ADAM12: variants seen among roughly 807,000 people sequenced by gnomAD.
The protein encoded by ADAM12 is disintegrin and metalloproteinase domain-containing protein 12.
Under a neutral mutation model 106.4 loss-of-function variants are expected in ADAM12, and 70 were observed. That is an observed-to-expected ratio of 0.66 (90% CI 0.54 to 0.80). The LOEUF is 0.80. ADAM12 is among the 30% of genes least tolerant of loss of function. The pLI is 0.00. For synonymous variants in ADAM12, 420 were observed against 433.5 expected, an observed-to-expected ratio of 0.97 and a Z score of 0.39; for missense variants, 1,010 against 1,171.9, an observed-to-expected ratio of 0.86 and a Z score of 2.02.
intron 1 of ADAM12, among the ~76,000 whole-genome samples, chr10:126,358,818 C>CA (rs1366105654): frequency 6.6e-6 from 1 of 151,866 alleles, no homozygotes; most frequent in African/African-American, 2.4e-5. Context: ...ACAAAATAAA[C>CA]AAAAAAATCA....
chr10:126,378,998 A>C (rs1856396635), intron 1 of ADAM12, among the ~76,000 whole-genome samples: 1 of 152,192 alleles, frequency 6.6e-6, no homozygotes, highest in Admixed American at 6.5e-5. Flanking sequence ...GTAGACCCTA[A>C]ATCCTAATGC....
intron 11 of ADAM12, among the ~76,000 whole-genome samples, chr10:126,071,961 A>C (rs1328767038): frequency 6.6e-6 from 1 of 152,208 alleles, no homozygotes; most frequent in Non-Finnish European, 1.5e-5. Context: ...AGACATTATT[A>C]ATAGTTCTGG....
intron 3 of ADAM12, among the ~76,000 whole-genome samples, chr10:126,227,635 T>G (rs527592872): frequency 6.6e-6 from 1 of 152,196 alleles, no homozygotes; most frequent in Non-Finnish European, 1.5e-5. Context: ...CATGCTCACG[T>G]TTGAGAAGCC....
chr10:126,234,098 C>T (rs992015465), intron 3 of ADAM12, among the ~76,000 whole-genome samples: 5 of 152,118 alleles, frequency 3.3e-5, no homozygotes, highest in African/African-American at 9.7e-5. Context: ...TACAGAAATT[C>T]CCAAGCTCAT....
intron 6 of ADAM12, among the ~76,000 whole-genome samples, chr10:126,114,696 T>C (rs1482352837): frequency 6.6e-6 from 1 of 152,192 alleles, no homozygotes; most frequent in Non-Finnish European, 1.5e-5. Context: ...GCCAGGTTGG[T>C]CTTGAACTCC....
At chr10:126,245,499 G>GACTGGGCA (rs1958611482) in intron 3 of ADAM12, among the ~76,000 whole-genome samples, 1 of 152,196 alleles carries the variant, frequency 6.6e-6, no homozygotes, top group South Asian at 2.1e-4. Context: ...CATCCTGAAG[G>GACTGGGCA]ACTGGGCAGT....
chr10:126,082,363 G>GTTTTTTTTTTTTTTTTTTTTTTT (rs5788763), intron 11 of ADAM12, among the ~76,000 whole-genome samples: 4 of 80,780 alleles, frequency 5.0e-5, no homozygotes, highest in Admixed American at 1.8e-4. Context: ...TCTAATGACT[G>GTTTTTTTTTTTTTTTTTTTTTTT]TTTTTTTTTT....
intron 5 of ADAM12, among the ~76,000 whole-genome samples, chr10:126,124,828 G>A (rs529420743): frequency 1.3e-5 from 2 of 148,614 alleles, no homozygotes; most frequent in South Asian, 4.3e-4. Flanking sequence ...GGAGGCGGAG[G>A]TTGCAGTGAG....
chr10:126,206,033 T>C (rs1226091091), intron 3 of ADAM12, among the ~76,000 whole-genome samples: 1 of 152,220 alleles, frequency 6.6e-6, no homozygotes, highest in Non-Finnish European at 1.5e-5. Context: ...AGCTAGACTT[T>C]ATGTGTCTGG....
intron 1 of ADAM12, among the ~76,000 whole-genome samples, chr10:126,370,186 A>C (rs1441498750): frequency 6.6e-6 from 1 of 152,176 alleles, no homozygotes; most frequent in African/African-American, 2.4e-5. Context: ...CCAGTGAAAG[A>C]AGCTGAATTA....
At chr10:126,190,199 T>C (rs1590591459) in intron 3 of ADAM12, among the ~76,000 whole-genome samples, 1 of 81,678 alleles carries the variant, frequency 1.2e-5, no homozygotes, top group African/African-American at 8.9e-5. Flanking sequence ...CAATTCACTC[T>C]TTTTTTTTTT....
chr10:126,320,147 A>C (rs1336251501), intron 2 of ADAM12, among the ~76,000 whole-genome samples: 1 of 152,240 alleles, frequency 6.6e-6, no homozygotes, highest in Non-Finnish European at 1.5e-5. Flanking sequence ...TCTTGTTAGA[A>C]AGAAACTAAA....
chr10:126,157,593 G>T (rs36051225), intron 3 of ADAM12, among the ~76,000 whole-genome samples: 15,742 of 152,276 alleles, frequency 0.1, 899 homozygotes, highest in Admixed American at 0.12. Flanking sequence ...ACTTAACAGC[G>T]AGTGTTTGAG....
chr10:126,078,871 T>A (rs954966577), intron 11 of ADAM12, among the ~76,000 whole-genome samples: 2 of 152,072 alleles, frequency 1.3e-5, no homozygotes, highest in African/African-American at 4.8e-5. Flanking sequence ...ACCATTTTCT[T>A]TATTACCAGT....
At chr10:126,351,477 C>A (rs1225784250) in intron 1 of ADAM12, among the ~76,000 whole-genome samples, 1 of 152,186 alleles carries the variant, frequency 6.6e-6, no homozygotes, top group South Asian at 2.1e-4. Context: ...GATTTCCCTG[C>A]CTGACACAGA....
intron 3 of ADAM12, among the ~76,000 whole-genome samples, chr10:126,254,898 A>T (rs1958860337): frequency 6.6e-6 from 1 of 152,234 alleles, no homozygotes; most frequent in African/African-American, 2.4e-5. Context: ...GACATAAACC[A>T]TAATTAAGAC....
At chr10:126,146,877 G>A (rs1041857155) in intron 4 of ADAM12, among the ~76,000 whole-genome samples, 8 of 152,174 alleles carry the variant, frequency 5.3e-5, no homozygotes, top group African/African-American at 9.7e-5. Context: ...TGAGATGTGC[G>A]TGATCTCTGA....
At chr10:126,091,371 G>T (rs1955462006) in intron 11 of ADAM12, among the ~76,000 whole-genome samples, 1 of 152,200 alleles carries the variant, frequency 6.6e-6, no homozygotes, top group South Asian at 2.1e-4. Context: ...GGTTGACTGA[G>T]CCGCTCGACC....
At chr10:126,233,364 A>G (rs1565155617) in intron 3 of ADAM12, among the ~76,000 whole-genome samples, 2 of 152,304 alleles carry the variant, frequency 1.3e-5, no homozygotes, top group South Asian at 2.1e-4. Context: ...TGCCGGATAC[A>G]GTGGAGTCCA....
Sources: allele counts gnomAD v4.1 joint callset (sites outside exome capture counted in the v4.1 genomes callset), GRCh38; gene constraint gnomAD v4.1.1; transcripts MANE v1.5; gene names NCBI Gene and HGNC (gene_info 2026-07-23, HGNC 2026-07-21).